JMJD1C: variants seen among roughly 807,000 people sequenced by gnomAD.
JMJD1C encodes jumonji domain containing 1C, also known as jumonji domain-containing protein 1C.
JMJD1C carries 31 observed loss-of-function variants against 245.3 expected under a neutral mutation model. The ratio of observed to expected loss-of-function variants is 0.13; its 90% CI spans 0.09 to 0.17. The LOEUF is 0.17. JMJD1C is among the 10% of genes least tolerant of loss of function. The pLI is 1.00. For missense variants in JMJD1C, 2,691 were observed against 3,000.2 expected, an observed-to-expected ratio of 0.90 and a Z score of 2.41; for synonymous variants, 1,057 against 1,017.4, an observed-to-expected ratio of 1.04 and a Z score of -0.74.
intron 1 of JMJD1C, among the ~76,000 whole-genome samples, chr10:63,404,504 T>A (rs984531981): frequency 6.6e-6 from 1 of 152,166 alleles, no homozygotes; most frequent in African/African-American, 2.4e-5. Flanking sequence ...CTCAGCCTCC[T>A]GAGTAGCTGA....
chr10:63,256,011 T>C (rs963615145), intron 3 of JMJD1C, among the ~76,000 whole-genome samples: 1 of 152,180 alleles, frequency 6.6e-6, no homozygotes, highest in Non-Finnish European at 1.5e-5. Context: ...TGGTAACTAG[T>C]GATGGCTTAG....
intron 2 of JMJD1C, among the ~76,000 whole-genome samples, chr10:63,328,470 G>A (rs1226995245): frequency 3.9e-5 from 6 of 152,096 alleles, no homozygotes; most frequent in Admixed American, 1.3e-4. Flanking sequence ...TCATAAATGA[G>A]GTGAATAACA....
chr10:63,192,016 A>C (rs1844889371), intron 16 of JMJD1C, among the ~76,000 whole-genome samples: 2 of 150,704 alleles, frequency 1.3e-5, no homozygotes, highest in Non-Finnish European at 3.0e-5. Flanking sequence ...AAAACACAAA[A>C]AACAAAACAA....
chr10:63,426,529 G>A (rs1233820510), intron 1 of JMJD1C, among the ~76,000 whole-genome samples: 2 of 152,090 alleles, frequency 1.3e-5, no homozygotes, highest in African/African-American at 4.8e-5. Context: ...AAATTAGCTG[G>A]GCGTGGTGGT....
chr10:63,384,510 T>C (rs1050350429), intron 1 of JMJD1C, among the ~76,000 whole-genome samples: 1 of 152,200 alleles, frequency 6.6e-6, no homozygotes, highest in African/African-American at 2.4e-5. Context: ...AGCTCTTGGG[T>C]GACCAGATGC....
chr10:63,379,209 G>A (rs1269194547), intron 2 of JMJD1C, among the ~76,000 whole-genome samples: 1 of 151,922 alleles, frequency 6.6e-6, no homozygotes, highest in Non-Finnish European at 1.5e-5. Context: ...TTAATTTGCA[G>A]GCTTAAAAAA....
chr10:63,454,261 T>C (rs986874991), intron 1 of JMJD1C, among the ~76,000 whole-genome samples: 2 of 151,500 alleles, frequency 1.3e-5, no homozygotes, highest in Non-Finnish European at 1.5e-5. Context: ...AAATTGATTT[T>C]TTTTTTTTTT....
At chr10:63,248,803 T>C (rs7901167) in intron 3 of JMJD1C, among the ~76,000 whole-genome samples, 3,277 of 152,204 alleles carry the variant, frequency 0.022, 117 homozygotes, top group African/African-American at 0.073. Context: ...CTATACACAA[T>C]AGCCAAAATA....
rs549573265 is a variant in JMJD1C at position 63,322,481 on chromosome 10, A to G, written c.334-57717T>C. On this transcript the variant is annotated intron_variant, in intron 2 of 25. Coordinates refer to ENST00000399262, the MANE Select transcript of JMJD1C (RefSeq NM_032776.3). ...AAAATACAAAATGCAAGAAATTAAG[A>G]TAGAATAGGGTTTAACTTTTTACAC... Among the ~76,000 whole-genome samples the G allele has an allele frequency of 2.0e-5, 3 of 152,306 alleles. No individual in the cohort carries two copies. The South Asian group carries it at 6.2e-4, about 32-fold the overall frequency.
intron 2 of JMJD1C, among the ~76,000 whole-genome samples, chr10:63,318,914 A>G (rs947760550): frequency 6.6e-6 from 1 of 152,030 alleles, no homozygotes; most frequent in Non-Finnish European, 1.5e-5. Flanking sequence ...TGGTATCTGT[A>G]TTCTTGATAA....
intron 1 of JMJD1C, among the ~76,000 whole-genome samples, chr10:63,499,709 T>C (rs1954481262): frequency 2.0e-5 from 3 of 152,182 alleles, no homozygotes; most frequent in African/African-American, 7.2e-5. Flanking sequence ...AAATTCAGAA[T>C]TGAATCTCAT....
chr10:63,445,862 ATT>A (rs56316223), intron 1 of JMJD1C, among the ~76,000 whole-genome samples: 3,538 of 75,504 alleles, frequency 0.047, 76 homozygotes, highest in East Asian at 0.19. Context: ...TGGGATCTGA[ATT>A]TTTTTTTTTT....
chr10:63,445,711 G>A (rs1487333685), intron 1 of JMJD1C, among the ~76,000 whole-genome samples: 1 of 152,022 alleles, frequency 6.6e-6, no homozygotes, highest in African/African-American at 2.4e-5. Flanking sequence ...AACTAGTTAG[G>A]AGGCAGTTAG....
chr10:63,197,226 T>C (rs1431713117), intron 13 of JMJD1C, among the ~76,000 whole-genome samples, 185 bp downstream of exon 13: 1 of 152,086 alleles, frequency 6.6e-6, no homozygotes, highest in African/African-American at 2.4e-5. Flanking sequence ...TAGATGCAAT[T>C]TAATTCTAGA....
At chr10:63,337,599 AAAAGAAAAGAAAAG>A (rs1185128356) in intron 2 of JMJD1C, among the ~76,000 whole-genome samples, 4 of 112,794 alleles carry the variant, frequency 3.5e-5, no homozygotes, top group East Asian at 2.3e-4. Context: ...AAAAGAAAAG[AAAAGAAAAGAAAAG>A]AAAAGAAAAG....
intron 2 of JMJD1C, among the ~76,000 whole-genome samples, chr10:63,317,841 T>C (rs932678993): frequency 6.6e-6 from 1 of 152,166 alleles, no homozygotes; most frequent in African/African-American, 2.4e-5. Flanking sequence ...TAAAGGTCAC[T>C]GATCTTTTTT....
rs183135323 is a variant in JMJD1C at position 63,219,162 on chromosome 10, T to C, written c.553+716A>G. Among the ~76,000 whole-genome samples the C allele has an allele frequency of 1.9e-3, 289 of 152,276 alleles. 3 individuals carry two copies. Among genetic ancestry groups the C allele is most frequent in the Non-Finnish European group, 2.0e-3 (134 of 67,992 alleles). On this transcript the variant is annotated intron_variant, in intron 4 of 25. Transcript: ENST00000399262. The stretch of plus-strand genomic sequence containing the variant: ...TATTTAGCCTAGGAAGAATTAAATA[T>C]GTAGATGATCCACTACTGTACATAC...
At chr10:63,495,198 A>G (rs964200383) in intron 1 of JMJD1C, among the ~76,000 whole-genome samples, 1 of 152,006 alleles carries the variant, frequency 6.6e-6, no homozygotes, top group African/African-American at 2.4e-5. Flanking sequence ...ACTCAAAGGA[A>G]CCAATGTTCT....
chr10:63,521,676 G>C (rs950749790), intron 1 of JMJD1C: 2 of 899,504 alleles, frequency 2.2e-6, no homozygotes. Context: ...GGGCCTGGGC[G>C]GGGACGGGGT....
Sources: gnomAD v4.1 joint callset for allele counts (sites outside exome capture counted in the v4.1 genomes callset) on GRCh38, gnomAD v4.1.1 for gene constraint, MANE v1.5 for transcripts, NCBI Gene and HGNC (gene_info 2026-07-23, HGNC 2026-07-21) for gene names.